Variants in RELL1 observed in about 807,000 individuals in gnomAD.
RELL1 encodes RELT like 1, also known as RELT-like protein 1.
RELL1 carries 10 observed loss-of-function variants against 23.0 expected under a neutral mutation model. The ratio of observed to expected loss-of-function variants is 0.43; its 90% CI spans 0.27 to 0.74. The LOEUF is 0.74. Among genes scored for constraint, RELL1 ranks in the 30% least tolerant of loss-of-function variants. The pLI is 0.19. For missense variants in RELL1, 315 were observed against 364.4 expected (o/e 0.86, Z 1.10); for synonymous variants, 146 against 146.8 (o/e 0.99, Z 0.04).
intron 1 of RELL1, among the ~76,000 whole-genome samples, chr4:37,673,047 C>T (rs959371852): frequency 4.6e-5 from 7 of 152,076 alleles, no homozygotes; most frequent in Non-Finnish European, 5.9e-5. Flanking sequence ...ATCAAGAATT[C>T]AATAGACAAG....
intron 1 of RELL1, among the ~76,000 whole-genome samples, chr4:37,677,337 T>C (rs1722053263): frequency 6.6e-6 from 1 of 152,214 alleles, no homozygotes; most frequent in African/African-American, 2.4e-5. Flanking sequence ...GCCAGCTCAG[T>C]TTCTGCATCT....
chr4:37,608,338 G>A (rs573635169), downstream of RELL1, among the ~76,000 whole-genome samples: 1 of 152,298 alleles, frequency 6.6e-6, no homozygotes, highest in South Asian at 2.1e-4. Flanking sequence ...GTACCAAATA[G>A]TTAAGTTGTG....
At chr4:37,617,291 A>T (rs1444696146) in intron 6 of RELL1, among the ~76,000 whole-genome samples, 1 of 152,226 alleles carries the variant, frequency 6.6e-6, no homozygotes, top group African/African-American at 2.4e-5. Flanking sequence ...GCACGTATGA[A>T]GGTTTAAGCT....
At chr4:37,599,898 C>T (rs1718970846) in intron 6 of RELL1, among the ~76,000 whole-genome samples, 1 of 152,186 alleles carries the variant, frequency 6.6e-6, no homozygotes, top group African/African-American at 2.4e-5. Flanking sequence ...GGCTAGGCCC[C>T]TCTCTCGGCC....
At chr4:37,638,364 G>T in intron 4 of RELL1, 83 bp downstream of exon 4, 2 of 1,076,156 alleles carry the variant, frequency 1.9e-6, no homozygotes, top group Non-Finnish European at 2.8e-6. Flanking sequence ...ACCTGCTCTA[G>T]CAGAAGAGCA....
At chr4:37,653,499 T>C (rs1485534299) in intron 1 of RELL1, among the ~76,000 whole-genome samples, 1 of 152,180 alleles carries the variant, frequency 6.6e-6, no homozygotes, top group Non-Finnish European at 1.5e-5. Flanking sequence ...GAAAATGGCA[T>C]GAACCACAGA....
chr4:37,589,918 C>T (rs1290263910), downstream of RELL1, among the ~76,000 whole-genome samples: 34 of 152,242 alleles, frequency 2.2e-4, no homozygotes, highest in Admixed American at 2.2e-3. Flanking sequence ...AGGCGTGAGC[C>T]ACCAAACATT....
chr4:37,620,538 G>A (rs188680362), intron 6 of RELL1, among the ~76,000 whole-genome samples: 17 of 152,322 alleles, frequency 1.1e-4, no homozygotes, highest in Admixed American at 9.8e-4. Flanking sequence ...TTCCCTACTA[G>A]TCTCAACACA....
At chr4:37,617,190 T>C (rs2109238097) in intron 6 of RELL1, among the ~76,000 whole-genome samples, 1 of 152,304 alleles carries the variant, frequency 6.6e-6, no homozygotes, top group East Asian at 1.9e-4. Context: ...TTCAGATTCC[T>C]TGGGCCTCTC....
intron 3 of RELL1, among the ~76,000 whole-genome samples, chr4:37,641,834 G>A (rs998170434): frequency 2.6e-5 from 4 of 152,098 alleles, no homozygotes; most frequent in African/African-American, 7.2e-5. Flanking sequence ...TGTAAGCGCC[G>A]GCACGTGCCA....
chr4:37,605,803 GAAAGAA>G (rs376715082), downstream of RELL1, among the ~76,000 whole-genome samples: 826 of 92,048 alleles, frequency 9.0e-3, 7 homozygotes, highest in Non-Finnish European at 8.4e-3. Flanking sequence ...GAGAAAGAAA[GAAAGAA>G]AGAAAGAAAG....
At chr4:37,651,714 T>G (rs915351175) in intron 1 of RELL1, among the ~76,000 whole-genome samples, 1 of 152,002 alleles carries the variant, frequency 6.6e-6, no homozygotes. Flanking sequence ...TGCGCTTTCC[T>G]CACAAACCAA....
intron 5 of RELL1, 53 bp downstream of exon 5, chr4:37,634,834 A>C: frequency 4.8e-6 from 7 of 1,448,178 alleles, no homozygotes; most frequent in Non-Finnish European, 6.8e-6. Context: ...AGAAGTCCAC[A>C]CACCAGAGCA....
At chr4:37,683,782 A>G (rs1001715495) in intron 1 of RELL1, among the ~76,000 whole-genome samples, 3 of 143,916 alleles carry the variant, frequency 2.1e-5, no homozygotes, top group Non-Finnish European at 4.6e-5. Context: ...ATAAAAATAA[A>G]TAAACAAATA....
At chr4:37,669,162 G>T (rs1424197531) in intron 1 of RELL1, among the ~76,000 whole-genome samples, 11 of 96,808 alleles carry the variant, frequency 1.1e-4, no homozygotes, top group Admixed American at 1.1e-3. Context: ...CCGGCCAGCC[G>T]CCCCGTCCGG....
intron 1 of RELL1, among the ~76,000 whole-genome samples, chr4:37,678,967 G>A (rs1017055508): frequency 5.9e-5 from 9 of 152,116 alleles, no homozygotes; most frequent in African/African-American, 2.2e-4. Context: ...CCTGGCTGGC[G>A]GGTTCTCTCT....
At chr4:37,637,021 C>T (rs762180598) in intron 4 of RELL1, among the ~76,000 whole-genome samples, 11 of 152,124 alleles carry the variant, frequency 7.2e-5, no homozygotes, top group Non-Finnish European at 1.0e-4. Flanking sequence ...AAATTAGCAC[C>T]ACATATTAGA....
intron 1 of RELL1, among the ~76,000 whole-genome samples, chr4:37,680,568 A>G (rs1722181202): frequency 6.6e-6 from 1 of 152,212 alleles, no homozygotes; most frequent in South Asian, 2.1e-4. Context: ...CATAAACTGA[A>G]AAAGTCATGA....
chr4:37,602,182 ATT>A (rs1719032414), intron 6 of RELL1, among the ~76,000 whole-genome samples: 1 of 135,254 alleles, frequency 7.4e-6, no homozygotes, highest in African/African-American at 2.8e-5. Context: ...GTGCCACTGC[ATT>A]CAAGCCTAGG....
Sources: allele counts gnomAD v4.1 joint callset (sites outside exome capture counted in the v4.1 genomes callset), GRCh38; gene constraint gnomAD v4.1.1; transcripts MANE v1.5; gene names NCBI Gene and HGNC (gene_info 2026-07-23, HGNC 2026-07-21).